The following SUCLG2 variants were observed in gnomAD, a reference collection of about 807,000 sequenced individuals.
SUCLG2 encodes the protein succinate-CoA ligase GDP-forming subunit beta, also known as succinate--CoA ligase [GDP-forming] subunit beta, mitochondrial.
Under a neutral mutation model 47.9 loss-of-function variants are expected in SUCLG2, and 42 were observed. That is an observed-to-expected ratio of 0.88 (90% CI 0.69 to 1.14). SUCLG2 has a LOEUF of 1.14. SUCLG2 is among the 50% of genes most tolerant of loss of function. The pLI is 0.00. For synonymous variants in SUCLG2, 195 were observed against 197.3 expected, an observed-to-expected ratio of 0.99 and a Z score of 0.10; for missense variants, 571 against 525.9, an observed-to-expected ratio of 1.09 and a Z score of -0.84.
chr3:67,471,745 G>A (rs114438594), intron 9 of SUCLG2, among the ~76,000 whole-genome samples: 1,875 of 152,256 alleles, frequency 0.012, 44 homozygotes, highest in African/African-American at 0.043. Context: ...GGGTAGCAGA[G>A]AACGGACAAC....
At chr3:67,601,802 C>T (rs999209416) in intron 2 of SUCLG2, among the ~76,000 whole-genome samples, 14 of 151,804 alleles carry the variant, frequency 9.2e-5, no homozygotes, top group African/African-American at 2.2e-4. Flanking sequence ...GCCAACATGG[C>T]GAAACCCCGT....
chr3:67,401,129 AAT>A (rs1326740179), intron 9 of SUCLG2, among the ~76,000 whole-genome samples: 5 of 151,940 alleles, frequency 3.3e-5, no homozygotes, highest in African/African-American at 1.2e-4. Flanking sequence ...TCTATTATAT[AAT>A]GTCTTCTTTT....
chr3:67,506,222 C>G (rs1431672450), intron 7 of SUCLG2, among the ~76,000 whole-genome samples: 1 of 152,000 alleles, frequency 6.6e-6, no homozygotes, highest in African/African-American at 2.4e-5. Context: ...TAAAAGATAG[C>G]TTGAGGGGAC....
intron 2 of SUCLG2, among the ~76,000 whole-genome samples, chr3:67,573,396 C>A (rs770435377): frequency 3.3e-5 from 5 of 152,222 alleles, no homozygotes; most frequent in Non-Finnish European, 5.9e-5. Context: ...TTTTCACTTT[C>A]AAATTTCAAA....
At chr3:67,455,383 G>A (rs546282824) in intron 9 of SUCLG2, among the ~76,000 whole-genome samples, 68 of 152,178 alleles carry the variant, frequency 4.5e-4, no homozygotes, top group African/African-American at 1.5e-3. Context: ...GTGATGTGGG[G>A]CATAAATCAC....
chr3:67,592,981 G>A (rs891018332), intron 2 of SUCLG2, among the ~76,000 whole-genome samples: 2 of 152,316 alleles, frequency 1.3e-5, no homozygotes, highest in Middle Eastern at 3.4e-3. Context: ...CCACTATGGT[G>A]AGCCTAGGTA....
chr3:67,590,347 TA>T (rs1242553809), intron 2 of SUCLG2, among the ~76,000 whole-genome samples: 1 of 152,222 alleles, frequency 6.6e-6, no homozygotes, highest in Non-Finnish European at 1.5e-5. Context: ...ACTTTTGAAC[TA>T]GACAGGTGAT....
At chr3:67,563,978 A>G (rs1054791904) in intron 2 of SUCLG2, among the ~76,000 whole-genome samples, 1 of 150,790 alleles carries the variant, frequency 6.6e-6, no homozygotes, top group Non-Finnish European at 1.5e-5. Context: ...AAAAAAAAAA[A>G]GAAAAAAGAA....
chr3:67,375,331 T>C lies in SUCLG2; in HGVS notation c.*413A>G. On this transcript the variant is annotated 3_prime_UTR_variant, in exon 11 of 11. Transcript: ENST00000307227. Reference sequence around the variant, plus strand: ...CCTTTTTAGTAATTAATATATTAAATATAATCTTGTCTGAGTTTTTAAATG... The same window carrying C: ...CCTTTTTAGTAATTAATATATTAAACATAATCTTGTCTGAGTTTTTAAATG... 4 of 978,442 alleles carry C rather than the reference T, an allele frequency of 4.1e-6. No individual in the cohort carries two copies. Among genetic ancestry groups the C allele is most frequent in the Non-Finnish European group, 4.9e-6 (4 of 823,262 alleles). 60.6% of individuals were successfully genotyped at this position (978,442 alleles called of 1,614,324 possible).
intron 4 of SUCLG2, among the ~76,000 whole-genome samples, chr3:67,526,412 T>A (rs1431798691): frequency 6.6e-6 from 1 of 152,208 alleles, no homozygotes; most frequent in African/African-American, 2.4e-5. Flanking sequence ...AAGCCTGCAC[T>A]AATCCATTCA....
chr3:67,371,264 TTTAA>T (rs1016228150), downstream of SUCLG2, among the ~76,000 whole-genome samples: 2 of 152,128 alleles, frequency 1.3e-5, no homozygotes, highest in Non-Finnish European at 2.9e-5. Flanking sequence ...GCATATACAA[TTTAA>T]TTAATTTTGG....
At chr3:67,422,472 TC>T (rs1232430877) in intron 9 of SUCLG2, among the ~76,000 whole-genome samples, 5 of 12,342 alleles carry the variant, frequency 4.1e-4, no homozygotes, top group African/African-American at 1.9e-3. Flanking sequence ...AGACTCCATC[TC>T]AAAAAAAAAA....
chr3:67,518,436 T>G, intron 5 of SUCLG2, 100 bp from the exon 6 acceptor site: 1 of 1,097,186 alleles, frequency 9.1e-7, no homozygotes, highest in South Asian at 1.5e-5. Flanking sequence ...AATGAGTAAT[T>G]AAAGTGTGGC....
At chr3:67,487,521 C>CACACAA (rs1312061797) in intron 9 of SUCLG2, among the ~76,000 whole-genome samples, 1 of 151,850 alleles carries the variant, frequency 6.6e-6, no homozygotes, top group Non-Finnish European at 1.5e-5. Flanking sequence ...CACACACAAA[C>CACACAA]ACACACACAG....
intron 2 of SUCLG2, among the ~76,000 whole-genome samples, chr3:67,594,509 G>A (rs530503009): frequency 2.6e-5 from 4 of 152,204 alleles, no homozygotes; most frequent in South Asian, 4.1e-4. Context: ...TCACAGGTCA[G>A]CTTAAAAATC....
chr3:67,457,986 G>T (rs1379202382), intron 9 of SUCLG2, among the ~76,000 whole-genome samples: 1 of 152,124 alleles, frequency 6.6e-6, no homozygotes, highest in Non-Finnish European at 1.5e-5. Flanking sequence ...CCTTGAGAAG[G>T]CTTGGGAGTC....
chr3:67,416,668 C>T (rs1439471395), intron 9 of SUCLG2, among the ~76,000 whole-genome samples: 3 of 152,112 alleles, frequency 2.0e-5, no homozygotes, highest in Non-Finnish European at 4.4e-5. Flanking sequence ...GAGTTAACAT[C>T]ACAATTACAT....
chr3:67,443,396 G>T (rs1357192182), intron 9 of SUCLG2, among the ~76,000 whole-genome samples: 1 of 72,070 alleles, frequency 1.4e-5, no homozygotes, highest in Non-Finnish European at 3.0e-5. Context: ...CGGGCCCCGC[G>T]GGGCCCGAGG....
chr3:67,533,395 G>A (rs1706452719), intron 2 of SUCLG2, among the ~76,000 whole-genome samples: 1 of 152,120 alleles, frequency 6.6e-6, no homozygotes, highest in Admixed American at 6.5e-5. Flanking sequence ...TGATTTCTGT[G>A]GTTCACTGAC....
Sources: allele counts gnomAD v4.1 joint callset (sites outside exome capture counted in the v4.1 genomes callset), GRCh38; gene constraint gnomAD v4.1.1; transcripts MANE v1.5; gene names NCBI Gene and HGNC (gene_info 2026-07-23, HGNC 2026-07-21).